RPS6KC1: variants seen among roughly 807,000 people sequenced by gnomAD.
RPS6KC1 encodes the protein inactive ribosomal protein S6 kinase delta-1.
Under a neutral mutation model 103.8 loss-of-function variants are expected in RPS6KC1, and 54 were observed. The observed-to-expected ratio is 0.52, with a 90% CI of 0.42 to 0.65. The LOEUF (loss-of-function observed/expected upper bound fraction) is 0.65, where lower values mean the gene tolerates loss of function less well. Ranked by LOEUF, RPS6KC1 falls within the 30% of genes least tolerant of loss-of-function variation. RPS6KC1 has a pLI of 0.00. For synonymous variants in RPS6KC1, 439 were observed against 438.7 expected (o/e 1.00, Z -0.01); for missense variants, 1,151 against 1,253.8 (o/e 0.92, Z 1.24).
the RPS6KC1 span, among the ~76,000 whole-genome samples, chr1:213,851,759 C>T: frequency 1.3e-5 from 2 of 152,114 alleles, no homozygotes; most frequent in Non-Finnish European, 2.9e-5. Context: ...TGCCCTTCTA[C>T]CAACTCTCTT....
chr1:213,213,933 A>G (rs560514176), intron 8 of RPS6KC1, among the ~76,000 whole-genome samples: 1 of 152,346 alleles, frequency 6.6e-6, no homozygotes, highest in Admixed American at 6.5e-5. Context: ...GCTCCAGTCT[A>G]CAGCTCCCAG....
At chr1:213,819,779 G>A in the RPS6KC1 span, 2 of 152,186 alleles carry the variant, frequency 1.3e-5, no homozygotes, top group African/African-American at 2.4e-5. Flanking sequence ...CAAGCCTTGT[G>A]TGTTACCCAA....
chr1:213,728,937 G>GTTTTTT, the RPS6KC1 span, among the ~76,000 whole-genome samples: 452 of 93,390 alleles, frequency 4.8e-3, 88 homozygotes, highest in East Asian at 0.029. Context: ...GAACATGAGG[G>GTTTTTT]TTTTTTTTTT....
the RPS6KC1 span, among the ~76,000 whole-genome samples, chr1:213,419,394 C>T: frequency 6.6e-6 from 1 of 152,214 alleles, no homozygotes; most frequent in South Asian, 2.1e-4. Flanking sequence ...ATTGATTGAG[C>T]ACTTACTATG....
the RPS6KC1 span, chr1:213,731,341 T>C: frequency 6.6e-6 from 1 of 152,246 alleles, no homozygotes; most frequent in Admixed American, 6.5e-5. Context: ...TTGGGGAGTA[T>C]AGTCACTTTA....
At chr1:213,238,359 T>C (rs1348924205) in intron 10 of RPS6KC1, among the ~76,000 whole-genome samples, 2 of 152,174 alleles carry the variant, frequency 1.3e-5, no homozygotes, top group Non-Finnish European at 2.9e-5. Flanking sequence ...GAAAAGCCCA[T>C]TATGAATTCT....
At chr1:213,167,228 G>T (rs1387043044) in intron 6 of RPS6KC1, among the ~76,000 whole-genome samples, 1 of 152,154 alleles carries the variant, frequency 6.6e-6, no homozygotes, top group Admixed American at 6.5e-5. Flanking sequence ...GGTTAGTGAT[G>T]AGGGGAAGGG....
intron 6 of RPS6KC1, among the ~76,000 whole-genome samples, chr1:213,149,871 G>A (rs2088434257): frequency 6.6e-6 from 1 of 152,176 alleles, no homozygotes; most frequent in Non-Finnish European, 1.5e-5. Flanking sequence ...TCCTCTCACT[G>A]AATTGACCCC....
At chr1:213,416,153 C>T in the RPS6KC1 span, among the ~76,000 whole-genome samples, 1 of 152,168 alleles carries the variant, frequency 6.6e-6, no homozygotes, top group African/African-American at 2.4e-5. Flanking sequence ...CGGCACTCTG[C>T]TGGATGCTGA....
At chr1:213,343,469 A>G in the RPS6KC1 span, among the ~76,000 whole-genome samples, 1 of 137,784 alleles carries the variant, frequency 7.3e-6, no homozygotes, top group South Asian at 2.4e-4. Flanking sequence ...CTCAACCATA[A>G]AAAGGAACAA....
the RPS6KC1 span, among the ~76,000 whole-genome samples, chr1:213,363,781 TC>T: frequency 1.1e-4 from 12 of 105,746 alleles, 2 homozygotes; most frequent in Admixed American, 7.2e-4. Context: ...TTTCTTTCTT[TC>T]TTTCTTTCTT....
chr1:213,627,431 T>C, the RPS6KC1 span, among the ~76,000 whole-genome samples: 1 of 152,128 alleles, frequency 6.6e-6, no homozygotes. Context: ...TCCTGCCTGA[T>C]TGCCCTGGCC....
intron 2 of RPS6KC1, among the ~76,000 whole-genome samples, chr1:213,077,018 C>T (rs993881568): frequency 1.3e-5 from 2 of 152,056 alleles, no homozygotes; most frequent in African/African-American, 4.8e-5. Context: ...TACAGGCGTC[C>T]ACCACCACAC....
rs149477273 is a variant in RPS6KC1 at position 213,164,529 on chromosome 1, A to G, written c.836-3329A>G. On this transcript the variant is annotated intron_variant, in intron 6 of 14. Coordinates refer to ENST00000366960, the MANE Select transcript of RPS6KC1 (RefSeq NM_012424.6). The stretch of plus-strand genomic sequence containing the variant: ...ACCAGAACTTTTTAACATAAAGGTT[A>G]TTAAATAATGGGAACAATTTTTCTT... Among the ~76,000 whole-genome samples the G allele has an allele frequency of 3.3e-3, 496 of 152,322 alleles. 4 individuals carry two copies. The highest frequency in any genetic ancestry group is 0.014 in the South Asian group (66 of 4,826).
At chr1:213,057,752 C>CTTTTTTTTTTTTTTTTTTT (rs869259657) in intron 1 of RPS6KC1, among the ~76,000 whole-genome samples, 1 of 73,698 alleles carries the variant, frequency 1.4e-5, no homozygotes, top group Non-Finnish European at 2.4e-5. Context: ...TCTGAAGTAT[C>CTTTTTTTTTTTTTTTTTTT]TTTTTTTTTT....
chr1:213,471,423 G>A, the RPS6KC1 span, among the ~76,000 whole-genome samples: 1 of 152,110 alleles, frequency 6.6e-6, no homozygotes, highest in Non-Finnish European at 1.5e-5. Context: ...AAAGGAATAT[G>A]GTTAACAATC....
At chr1:213,554,973 C>T in the RPS6KC1 span, among the ~76,000 whole-genome samples, 1 of 152,212 alleles carries the variant, frequency 6.6e-6, no homozygotes, top group South Asian at 2.1e-4. Context: ...AAATATGATA[C>T]AAGGATAGAA....
At chr1:213,542,423 G>A in the RPS6KC1 span, among the ~76,000 whole-genome samples, 1 of 152,194 alleles carries the variant, frequency 6.6e-6, no homozygotes, top group African/African-American at 2.4e-5. Flanking sequence ...CAGAAGGATG[G>A]GACAGGCCAT....
intron 7 of RPS6KC1, among the ~76,000 whole-genome samples, chr1:213,174,414 A>C (rs1415074520): frequency 6.6e-6 from 1 of 152,210 alleles, no homozygotes; most frequent in African/African-American, 2.4e-5. Context: ...TTATGCCTTC[A>C]GTCCCAGCAC....
Sources: gnomAD v4.1 joint callset for allele counts (sites outside exome capture counted in the v4.1 genomes callset) on GRCh38, gnomAD v4.1.1 for gene constraint, MANE v1.5 for transcripts, NCBI Gene and HGNC (gene_info 2026-07-23, HGNC 2026-07-21) for gene names.